Variants in FAAH2 observed in about 807,000 individuals in gnomAD.
FAAH2 encodes the protein fatty-acid amide hydrolase 2.
Under a neutral mutation model 36.9 loss-of-function variants are expected in FAAH2, and 60 were observed. The ratio of observed to expected loss-of-function variants is 1.63; its 90% CI spans 1.32 to 2.02. FAAH2 has a LOEUF of 2.02. Among genes scored for constraint, FAAH2 ranks in the 30% most tolerant of loss-of-function variants. The pLI, the probability that FAAH2 is intolerant of heterozygous loss-of-function variation, is 0.00. For missense variants in FAAH2, 689 were observed against 397.5 expected (o/e 1.73, Z -6.23); for synonymous variants, 214 against 143.8 (o/e 1.49, Z -3.49).
the FAAH2 span, among the ~76,000 whole-genome samples, chrX:57,269,013 A>G: frequency 1.8e-5 from 2 of 111,770 alleles, no homozygotes; most frequent in Non-Finnish European, 3.8e-5. Context: ...GTAATGTCAC[A>G]CATAGGCTCA....
At chrX:57,449,881 G>C (rs1157036863) in intron 10 of FAAH2, among the ~76,000 whole-genome samples, 1 of 111,442 alleles carries the variant, frequency 9.0e-6, no homozygotes, top group Non-Finnish European at 1.9e-5. Flanking sequence ...GGCCAGGCTG[G>C]TCTTGAACTC....
chrX:57,391,790 T>A (rs1346946909), intron 7 of FAAH2, among the ~76,000 whole-genome samples: 1 of 111,004 alleles, frequency 9.0e-6, no homozygotes, highest in Non-Finnish European at 1.9e-5. Flanking sequence ...GAAAAATTTA[T>A]TTGGCTCTTC....
At chrX:57,420,249 C>A (rs2055978329) in intron 7 of FAAH2, among the ~76,000 whole-genome samples, 1 of 110,916 alleles carries the variant, frequency 9.0e-6, no homozygotes, top group Non-Finnish European at 1.9e-5. Flanking sequence ...TTTTCCAATT[C>A]TGTGAAGACA....
the FAAH2 span, among the ~76,000 whole-genome samples, chrX:57,194,880 C>T: frequency 9.0e-6 from 1 of 111,633 alleles, no homozygotes; most frequent in Non-Finnish European, 1.9e-5. Flanking sequence ...ATAATAGTCT[C>T]CAGCTCCATC....
chrX:57,315,658 A>G (rs908053119), intron 3 of FAAH2, among the ~76,000 whole-genome samples: 14 of 112,016 alleles, frequency 1.2e-4, no homozygotes, highest in Non-Finnish European at 5.7e-5. Context: ...AGTAAAAACC[A>G]TGTGATCATC....
intron 2 of FAAH2, among the ~76,000 whole-genome samples, chrX:57,308,589 T>C (rs2052607126): frequency 8.9e-6 from 1 of 111,966 alleles, no homozygotes; most frequent in African/African-American, 3.2e-5. Flanking sequence ...GGTTGTTTAT[T>C]ACATCACATG....
intron 10 of FAAH2, among the ~76,000 whole-genome samples, chrX:57,478,738 A>G (rs899024065): frequency 2.7e-5 from 3 of 112,038 alleles, no homozygotes; most frequent in Non-Finnish European, 5.6e-5. Flanking sequence ...CATTTATTAA[A>G]TAGGGAATCC....
intron 7 of FAAH2, chrX:57,381,430 C>T (rs933018370): frequency 1.2e-5 from 3 of 255,713 alleles, no homozygotes; most frequent in African/African-American, 8.8e-5. Context: ...GAAATAATAG[C>T]ACAAATTTGT....
the FAAH2 span, among the ~76,000 whole-genome samples, chrX:57,195,081 G>T: frequency 9.0e-6 from 1 of 110,992 alleles, no homozygotes; most frequent in African/African-American, 3.3e-5. Context: ...ACATGCATGT[G>T]CAAGTCTTTT....
the FAAH2 span, among the ~76,000 whole-genome samples, chrX:57,126,647 T>C: frequency 8.9e-6 from 1 of 111,865 alleles, no homozygotes; most frequent in Admixed American, 9.5e-5. Flanking sequence ...ACACATTTTG[T>C]ACATGTAGGT....
At chrX:57,318,563 T>C (rs1211709394) in intron 3 of FAAH2, among the ~76,000 whole-genome samples, 1 of 111,695 alleles carries the variant, frequency 9.0e-6, no homozygotes, top group Non-Finnish European at 1.9e-5. Flanking sequence ...CAGAACTAGA[T>C]GGATTCACAG....
chrX:57,283,867 C>A (rs2051776466), upstream of FAAH2, among the ~76,000 whole-genome samples: 1 of 111,744 alleles, frequency 8.9e-6, no homozygotes, highest in Non-Finnish European at 1.9e-5. Context: ...GAGCTGCTAC[C>A]GAGTAAAGTG....
intron 7 of FAAH2, among the ~76,000 whole-genome samples, chrX:57,388,726 T>C (rs1256612335): frequency 9.0e-6 from 1 of 111,470 alleles, no homozygotes; most frequent in African/African-American, 3.2e-5. Flanking sequence ...TAGTAGTTTT[T>C]ACCACTCAAA....
intron 8 of FAAH2, among the ~76,000 whole-genome samples, chrX:57,443,896 T>A (rs1569349921): frequency 8.9e-6 from 1 of 112,219 alleles, no homozygotes; most frequent in East Asian, 2.8e-4. Flanking sequence ...TCTGTTTGCC[T>A]GGGTATCACC....
the FAAH2 span, among the ~76,000 whole-genome samples, chrX:57,216,115 A>AT: frequency 1.9e-5 from 2 of 107,497 alleles, no homozygotes; most frequent in Non-Finnish European, 3.8e-5. Flanking sequence ...ATAAATTTAC[A>AT]TTTTTTTTAA....
In FAAH2 at chrX:57,292,548, G is replaced by T. The variant is rs1195465739; in HGVS notation, c.243G>T (p.Val81=). The part of the protein sequence containing the change: ...VQAYINRIKD[V]NPMINGIVKY... ...CTTATATCAACAGAATCAAGGACGT[G>T]AACCCAATGATCAATGGAATTGTCA... Residue 81 remains valine (V), a synonymous_variant, in exon 2 of 11, where the codon GTG becomes GTT. Coordinates refer to ENST00000374900, the MANE Select transcript of FAAH2 (RefSeq NM_174912.4). 2.5e-6 allele frequency: 3 copies of T among 1,209,961 alleles called. No homozygotes were observed. In the South Asian group the frequency reaches 5.3e-5, roughly 21 times the overall value.
At chrX:57,385,372 A>G (rs1182746477) in intron 7 of FAAH2, among the ~76,000 whole-genome samples, 1 of 111,162 alleles carries the variant, frequency 9.0e-6, no homozygotes, top group Non-Finnish European at 1.9e-5. Flanking sequence ...TGCCACCATG[A>G]AAAAATGCCT....
chrX:57,207,674 T>A, the FAAH2 span, among the ~76,000 whole-genome samples: 1 of 112,570 alleles, frequency 8.9e-6, no homozygotes, highest in Non-Finnish European at 1.9e-5. Flanking sequence ...AATTTCCCCA[T>A]TGTAGTCTGA....
the FAAH2 span, among the ~76,000 whole-genome samples, chrX:57,181,119 G>A: frequency 1.2e-3 from 139 of 111,221 alleles, 1 homozygote; most frequent in Non-Finnish European, 2.4e-3. Context: ...GATTTTGAAG[G>A]AACATACCTC....
Sources: gnomAD v4.1 joint callset for allele counts (sites outside exome capture counted in the v4.1 genomes callset) on GRCh38, gnomAD v4.1.1 for gene constraint, MANE v1.5 for transcripts, NCBI Gene and HGNC (gene_info 2026-07-23, HGNC 2026-07-21) for gene names.